SGSM3: variants seen among roughly 807,000 people sequenced by gnomAD.
SGSM3 encodes the protein small G protein signaling modulator 3, also known as RUN and SH3 containing 3.
In SGSM3, 96 loss-of-function variants were observed where a neutral mutation model predicts 100.5. The observed-to-expected ratio is 0.96, with a 90% confidence interval of 0.81 to 1.13. The LOEUF (loss-of-function observed/expected upper bound fraction) is 1.13. Among genes scored for constraint, SGSM3 ranks in the 50% most tolerant of loss-of-function variants. The pLI is 0.00. For synonymous variants in SGSM3, 483 were observed against 422.8 expected (o/e 1.14, Z -1.75); for missense variants, 1,001 against 1,015.8 (o/e 0.99, Z 0.20).
chr22:40,370,868 G>T (rs377461288), intron 1 of SGSM3, among the ~76,000 whole-genome samples, 180 bp downstream of exon 1: 25 of 152,262 alleles, frequency 1.6e-4, no homozygotes, highest in East Asian at 9.7e-4. Flanking sequence ...TCGCGTCGCC[G>T]TTGGAATGGG....
intron 1 of SGSM3, among the ~76,000 whole-genome samples, chr22:40,396,122 A>ACCCCTTTT (rs2050015584): frequency 6.6e-6 from 1 of 151,956 alleles, no homozygotes; most frequent in African/African-American, 2.4e-5. Context: ...GTCTGATTTT[A>ACCCCTTTT]CCCCTTTTTA....
chr22:40,372,737 A>G (rs2045833010), intron 1 of SGSM3: 1 of 152,226 alleles, frequency 6.6e-6, no homozygotes, highest in Admixed American at 6.5e-5. Context: ...GAGTGGATGT[A>G]GGAACAGCCT....
At chr22:40,376,163 A>G (rs966482828) in intron 1 of SGSM3, 1 of 137,444 alleles carries the variant, frequency 7.3e-6, no homozygotes, top group African/African-American at 2.7e-5. Flanking sequence ...GGATAGGGTT[A>G]AAGTCAAATT....
chr22:40,383,049 A>G (rs1421110080), intron 1 of SGSM3, among the ~76,000 whole-genome samples: 1 of 152,236 alleles, frequency 6.6e-6, no homozygotes, highest in Non-Finnish European at 1.5e-5. Flanking sequence ...CTCATGAAAC[A>G]GGCGATTACT....
chr22:40,406,467 G>T lies in SGSM3; in HGVS notation c.990G>T (p.Ser330=), dbSNP rs371482277. The T allele has an allele frequency of 4.7e-5, 75 of 1,596,318 alleles. No individual in the cohort carries two copies. The highest frequency in any genetic ancestry group is 3.4e-4 in the Admixed American group (20 of 59,208). Residue 330 remains serine (S), a synonymous_variant, in exon 10 of 22, where the codon TCG becomes TCT. Transcript: ENST00000248929. Reference sequence around the variant, plus strand: ...AAGAGCTGATCCAGTCAGAGAACTCGGCCTCCATCTTCAACACGCTATCGG... The same window carrying T: ...AAGAGCTGATCCAGTCAGAGAACTCTGCCTCCATCTTCAACACGCTATCGG... ...KEEELIQSEN[S]ASIFNTLSDI...
intron 7 of SGSM3, among the ~76,000 whole-genome samples, 167 bp downstream of exon 7, chr22:40,405,451 C>T (rs2051348791): frequency 6.6e-6 from 1 of 152,194 alleles, no homozygotes; most frequent in Non-Finnish European, 1.5e-5. Context: ...GGGGCAGCTG[C>T]ACGTTATGCA....
chr22:40,395,881 T>C (rs977319677), intron 1 of SGSM3, among the ~76,000 whole-genome samples: 1 of 152,170 alleles, frequency 6.6e-6, no homozygotes, highest in African/African-American at 2.4e-5. Context: ...TCCGTAATCT[T>C]TCCTCTGCAC....
At chr22:40,392,589 A>G (rs1172338590) in intron 1 of SGSM3, among the ~76,000 whole-genome samples, 1 of 152,202 alleles carries the variant, frequency 6.6e-6, no homozygotes, top group Non-Finnish European at 1.5e-5. Context: ...CACTGTTCTC[A>G]GTACTCAGCT....
At chr22:40,376,804 A>T (rs1476627463) in intron 1 of SGSM3, among the ~76,000 whole-genome samples, 1 of 152,196 alleles carries the variant, frequency 6.6e-6, no homozygotes, top group African/African-American at 2.4e-5. Flanking sequence ...TTTAGCATAT[A>T]ATCAAGAAAT....
Position 40,409,452 on chromosome 22 carries a change from T to C in SGSM3, c.2112-13T>C, listed in dbSNP as rs755029796. The stretch of plus-strand genomic sequence containing the variant: ...GGGTGACAAGAGCCTTACCACCCCT[T>C]CCTCACCTCTAGAGTCCTCTGCTGC... On this transcript the variant is annotated splice_polypyrimidine_tract_variant and intron_variant, in intron 20 of 21. Coordinates refer to ENST00000248929, the MANE Select transcript of SGSM3 (RefSeq NM_015705.6). 2 of 1,568,698 alleles carry C rather than the reference T, an allele frequency of 1.3e-6. No homozygotes were observed. Among genetic ancestry groups the C allele is most frequent in the Admixed American group, 3.9e-5 (2 of 51,916 alleles).
chr22:40,408,770 C>T (rs1569229058), intron 17 of SGSM3, 24 bp from the exon 18 acceptor site: 2 of 1,613,802 alleles, frequency 1.2e-6, no homozygotes, highest in South Asian at 1.1e-5. Context: ...CCCCGGCACC[C>T]CAGGAGCTTT....
rs1203357029 is a variant in SGSM3 at position 40,410,015 on chromosome 22, A to ATGTC, written c.*260_*263dup. On this transcript the variant is annotated 3_prime_UTR_variant, in exon 22 of 22. Transcript: ENST00000248929. ...AACCTTGTGAGGAGGTGGGGGAGCC[A>ATGTC]TGTCTGTGCTCAGGAAGAGGGAAGG... 58 of 1,329,560 alleles carry ATGTC rather than the reference A, an allele frequency of 4.4e-5. No individual in the cohort carries two copies. In the East Asian group the frequency reaches 1.5e-3, roughly 34 times the overall value. The allele number at this position is 1,329,560 out of a possible 1,614,324, so 82.4% of individuals were successfully genotyped here.
chr22:40,409,645 C>G, intron 21 of SGSM3, 37 bp from the exon 22 acceptor site: 1 of 1,613,268 alleles, frequency 6.2e-7, no homozygotes, highest in Non-Finnish European at 8.5e-7. Flanking sequence ...CCAGCCATGC[C>G]CAAGGCCTGT....
In SGSM3 at chr22:40,407,404, C is replaced by A. The variant is rs773416111; in HGVS notation, c.1369-9C>A. The A allele has an allele frequency of 5.0e-6, 8 of 1,611,562 alleles. No individual in the cohort carries two copies. Among genetic ancestry groups the A allele is most frequent in the Non-Finnish European group, 6.8e-6 (8 of 1,178,582 alleles). ...AACCCCCTTGGTGGGCCTGTGTTCA[C>A]TGTGGCAGGAGCTGACTCCAGACTA... is the stretch of plus-strand genomic sequence containing the variant. On this transcript the variant is annotated splice_polypyrimidine_tract_variant and intron_variant, in intron 12 of 21. Coordinates refer to ENST00000248929, the MANE Select transcript of SGSM3 (RefSeq NM_015705.6). The surrounding 1 kb of genome is among the most constrained non-coding windows in gnomAD (Gnocchi z 4.7).
intron 19 of SGSM3, 97 bp from the exon 20 acceptor site, chr22:40,409,153 T>C: frequency 6.4e-6 from 10 of 1,556,292 alleles, no homozygotes; most frequent in Non-Finnish European, 8.7e-6. Context: ...GAGGGTGGTC[T>C]GGGAGCTGCT....
chr22:40,371,258 AATT>A, intron 1 of SGSM3, among the ~76,000 whole-genome samples: 1 of 152,216 alleles, frequency 6.6e-6, no homozygotes, highest in South Asian at 2.1e-4. Flanking sequence ...GAATTTTGAA[AATT>A]ATTCTCATAC....
chr22:40,383,250 G>T (rs1339996904), intron 1 of SGSM3, among the ~76,000 whole-genome samples: 2 of 151,896 alleles, frequency 1.3e-5, no homozygotes, highest in African/African-American at 4.8e-5. Context: ...GGCAGATCAC[G>T]AGGTCAGGAG....
At chr22:40,396,814 T>C (rs1257753414) in intron 1 of SGSM3, among the ~76,000 whole-genome samples, 1 of 152,158 alleles carries the variant, frequency 6.6e-6, no homozygotes, top group Non-Finnish European at 1.5e-5. Flanking sequence ...ACAGAACCTT[T>C]TCTGCCCCTC....
Position 40,402,149 on chromosome 22 carries a change from C to T in SGSM3, c.101C>T (p.Ser34Leu). 1 of 1,613,738 alleles carries T rather than the reference C, an allele frequency of 6.2e-7. No homozygotes were observed. Among genetic ancestry groups the T allele is most frequent in the South Asian group, 1.1e-5 (1 of 91,066 alleles). Reference sequence around the variant, plus strand: ...TCATCCTGATTCTAGAAGGAAGAGTCAGCAGAGCAACCAGAGTTCTACTAC... The same window carrying T: ...TCATCCTGATTCTAGAAGGAAGAGTTAGCAGAGCAACCAGAGTTCTACTAC... Reference protein sequence around the residue: ...ILAKYTQKEESAEQPEFYYDE... With the variant: ...ILAKYTQKEELAEQPEFYYDE... Residue 34 changes from serine (S) to leucine (L), a missense_variant, in exon 4 of 22, where the codon TCA becomes TTA. Coordinates refer to ENST00000248929, the MANE Select transcript of SGSM3 (RefSeq NM_015705.6).
Sources: allele counts gnomAD v4.1 joint callset (sites outside exome capture counted in the v4.1 genomes callset), GRCh38; gene constraint gnomAD v4.1.1; non-coding constraint Gnocchi (gnomAD v3.1); transcripts MANE v1.5; gene names NCBI Gene and HGNC (gene_info 2026-07-23, HGNC 2026-07-21).